The following MCTP1 variants were observed in gnomAD, a reference collection of about 807,000 sequenced individuals.
MCTP1 encodes the protein multiple C2 and transmembrane domain containing 1.
MCTP1 carries 69 observed loss-of-function variants against 120.6 expected under a neutral mutation model. The observed-to-expected ratio is 0.57, with a 90% CI of 0.47 to 0.70. The LOEUF is 0.70. Ranked by LOEUF, MCTP1 falls within the 30% of genes least tolerant of loss-of-function variation. The pLI is 0.00. For synonymous variants in MCTP1, 529 were observed against 493.1 expected (o/e 1.07, Z -0.96); for missense variants, 1,203 against 1,248.8 (o/e 0.96, Z 0.55).
At chr5:95,064,321 CTCTT>C (rs1300236786) in intron 1 of MCTP1, among the ~76,000 whole-genome samples, 5 of 152,208 alleles carry the variant, frequency 3.3e-5, no homozygotes, top group South Asian at 2.1e-4. Flanking sequence ...TCCGTGGAGA[CTCTT>C]TCTCTGTGTG....
intron 6 of MCTP1, among the ~76,000 whole-genome samples, chr5:94,925,716 C>T (rs1213487058): frequency 2.0e-5 from 3 of 151,860 alleles, no homozygotes; most frequent in Admixed American, 6.6e-5. Flanking sequence ...GCCAAAGTGA[C>T]GTTTTAAAAT....
In MCTP1 at chr5:95,246,782, A is replaced by G. The variant is rs141984952; in HGVS notation, c.720+37074T>C. 6.8e-3 allele frequency among the ~76,000 whole-genome samples: 1,037 copies of G among 152,298 alleles called. 12 individuals carry two copies. The highest frequency in any genetic ancestry group is 0.023 in the African/African-American group (943 of 41,566). On this transcript the variant is annotated intron_variant, in intron 1 of 22. Coordinates refer to ENST00000515393, the MANE Select transcript of MCTP1 (RefSeq NM_024717.7). Reference sequence around the variant, plus strand: ...GATAAGCTTTTTGAAGTGCTGCTGGATTCAATTTGCCAGTATTTTATTGAG... The same window carrying G: ...GATAAGCTTTTTGAAGTGCTGCTGGGTTCAATTTGCCAGTATTTTATTGAG...
At chr5:94,715,363 C>CAAAA (rs35567390) in intron 19 of MCTP1, among the ~76,000 whole-genome samples, 73 of 70,542 alleles carry the variant, frequency 1.0e-3, no homozygotes, top group African/African-American at 3.6e-3. Flanking sequence ...ATGAAAACTA[C>CAAAA]AAAAAAAAAA....
At chr5:95,146,074 C>T (rs899628773) in intron 1 of MCTP1, among the ~76,000 whole-genome samples, 2 of 151,124 alleles carry the variant, frequency 1.3e-5, no homozygotes, top group East Asian at 1.9e-4. Context: ...GTTATTGGTC[C>T]GTTCAGATTT....
chr5:95,137,622 T>A (rs968648703), intron 1 of MCTP1, among the ~76,000 whole-genome samples: 1 of 152,256 alleles, frequency 6.6e-6, no homozygotes, highest in African/African-American at 2.4e-5. Flanking sequence ...TCACCTCAAC[T>A]GTGGCACATT....
At chr5:94,945,523 G>C (rs1215448544) in intron 3 of MCTP1, among the ~76,000 whole-genome samples, 2 of 152,058 alleles carry the variant, frequency 1.3e-5, no homozygotes, top group Non-Finnish European at 2.9e-5. Flanking sequence ...TCATTTATTT[G>C]AAAAATATTT....
intron 1 of MCTP1, among the ~76,000 whole-genome samples, chr5:95,169,049 C>A (rs189371575): frequency 6.6e-6 from 1 of 152,130 alleles, no homozygotes; most frequent in Admixed American, 6.5e-5. Flanking sequence ...ATAAATAGCT[C>A]TTATTATTTT....
intron 11 of MCTP1, 118 bp from the exon 12 acceptor site, chr5:94,889,090 C>T: frequency 3.3e-6 from 2 of 608,252 alleles, no homozygotes; most frequent in Non-Finnish European, 5.6e-6. Flanking sequence ...AGAAGATCAA[C>T]ATTAAACTAA....
chr5:95,257,255 C>G (rs1757983781), intron 1 of MCTP1, among the ~76,000 whole-genome samples: 1 of 152,064 alleles, frequency 6.6e-6, no homozygotes, highest in Non-Finnish European at 1.5e-5. Context: ...ATGATGAGAG[C>G]TTGTGGGATA....
At chr5:95,125,483 CTTG>C (rs1208238749) in intron 1 of MCTP1, among the ~76,000 whole-genome samples, 1 of 152,192 alleles carries the variant, frequency 6.6e-6, no homozygotes, top group Non-Finnish European at 1.5e-5. Context: ...TGGCAGTCTC[CTTG>C]TTGTTGAGAC....
intron 19 of MCTP1, among the ~76,000 whole-genome samples, chr5:94,763,322 A>T: frequency 6.6e-6 from 1 of 152,210 alleles, no homozygotes; most frequent in Non-Finnish European, 1.5e-5. Flanking sequence ...TCCTTAGATG[A>T]TGTCCAAAGC....
chr5:95,237,736 C>T (rs1417732577), intron 1 of MCTP1, among the ~76,000 whole-genome samples: 3 of 152,010 alleles, frequency 2.0e-5, no homozygotes, highest in South Asian at 2.1e-4. Flanking sequence ...TATTTCTCTT[C>T]GAAAATTCAT....
intron 18 of MCTP1, among the ~76,000 whole-genome samples, chr5:94,795,096 T>C (rs1779722998): frequency 6.6e-6 from 1 of 152,224 alleles, no homozygotes; most frequent in Non-Finnish European, 1.5e-5. Context: ...GTAGAAATGA[T>C]ACTTACAGGG....
intron 19 of MCTP1, among the ~76,000 whole-genome samples, chr5:94,764,828 CAA>C (rs57246943): frequency 0.031 from 2,799 of 90,982 alleles, 77 homozygotes; most frequent in African/African-American, 0.087. Flanking sequence ...TGACCTGGAC[CAA>C]AAAAAAAAAA....
At chr5:95,026,203 G>T (rs567567783) in intron 1 of MCTP1, among the ~76,000 whole-genome samples, 34 of 152,072 alleles carry the variant, frequency 2.2e-4, no homozygotes, top group Non-Finnish European at 4.4e-4. Flanking sequence ...TGGGTTTCAT[G>T]AGATATTTTG....
chr5:94,894,971 A>G, intron 10 of MCTP1, 136 bp from the exon 11 acceptor site: 2 of 572,420 alleles, frequency 3.5e-6, no homozygotes, highest in Non-Finnish European at 5.9e-6. Flanking sequence ...CTTTCAAGTC[A>G]GCTGACTTTC....
intron 8 of MCTP1, 88 bp downstream of exon 8, chr5:94,917,808 T>G: frequency 1.1e-6 from 1 of 950,288 alleles, no homozygotes; most frequent in Non-Finnish European, 1.7e-6. Flanking sequence ...GTATAGGGAG[T>G]GGGTTTTCAG....
chr5:95,150,375 C>G (rs1321244310), intron 1 of MCTP1, among the ~76,000 whole-genome samples: 2 of 152,170 alleles, frequency 1.3e-5, no homozygotes, highest in African/African-American at 4.8e-5. Context: ...GAACAAACCT[C>G]TTTCTAAGCC....
chr5:95,010,062 C>A (rs996566696), intron 2 of MCTP1, among the ~76,000 whole-genome samples: 7 of 152,078 alleles, frequency 4.6e-5, no homozygotes, highest in Admixed American at 4.6e-4. Flanking sequence ...GGGGGCATAA[C>A]CATTTTGATT....
Sources: allele counts gnomAD v4.1 joint callset (sites outside exome capture counted in the v4.1 genomes callset), GRCh38; gene constraint gnomAD v4.1.1; transcripts MANE v1.5; gene names NCBI Gene and HGNC (gene_info 2026-07-23, HGNC 2026-07-21).